The following RERE variants were observed in gnomAD, a reference collection of about 807,000 sequenced individuals.
The protein encoded by RERE is arginine-glutamic acid dipeptide repeats protein.
Under a neutral mutation model 146.1 loss-of-function variants are expected in RERE, and 40 were observed. The ratio of observed to expected loss-of-function variants is 0.27; its 90% CI spans 0.21 to 0.36. The LOEUF is 0.36. Ranked by LOEUF, RERE falls within the 10% of genes least tolerant of loss-of-function variation. RERE has a pLI of 1.00. For synonymous variants in RERE, 1,003 were observed against 866.0 expected (o/e 1.16, Z -2.78); for missense variants, 1,933 against 2,138.7 (o/e 0.90, Z 1.90).
chr1:8,803,049 GA>G (rs987782790), intron 1 of RERE, among the ~76,000 whole-genome samples: 1 of 151,982 alleles, frequency 6.6e-6, no homozygotes, highest in African/African-American at 2.4e-5. Context: ...TTGACAAAAA[GA>G]ATTTATAAGT....
intron 1 of RERE, among the ~76,000 whole-genome samples, chr1:8,766,227 G>C (rs1433338667): frequency 4.6e-5 from 7 of 152,086 alleles, no homozygotes; most frequent in African/African-American, 1.7e-4. Context: ...AACTGGTTTG[G>C]AATCTATAAA....
intron 1 of RERE, among the ~76,000 whole-genome samples, chr1:8,688,061 G>A (rs1221362918): frequency 3.3e-5 from 5 of 152,130 alleles, no homozygotes; most frequent in African/African-American, 1.2e-4. Context: ...TCTAACATAC[G>A]ATTTTTTCAA....
chr1:8,600,915 C>T (rs188773972), intron 4 of RERE, among the ~76,000 whole-genome samples: 138 of 151,266 alleles, frequency 9.1e-4, no homozygotes, highest in African/African-American at 3.3e-3. Context: ...CCACCATGCC[C>T]GGCTAATTTT....
chr1:8,563,299 C>T lies in RERE; in HGVS notation c.523-5776G>A, dbSNP rs185068076. Reference sequence around the variant, plus strand: ...ACAACATAAAAATAGTAATAATAATCGAGGGGGTATCTGGATAGTTCATAA... The same window carrying T: ...ACAACATAAAAATAGTAATAATAATTGAGGGGGTATCTGGATAGTTCATAA... On this transcript the variant is annotated intron_variant, in intron 4 of 22. Transcript: ENST00000400908. 9.7e-4 allele frequency among the ~76,000 whole-genome samples: 148 copies of T among 152,180 alleles called. 1 individual carries two copies. Among genetic ancestry groups the T allele is most frequent in the Non-Finnish European group, 1.5e-3 (99 of 68,000 alleles).
rs149568800 is a variant in RERE at position 8,656,133 on chromosome 1, G to A, written c.165C>T (p.His55=). The change falls in exon 2 of 23, where the codon CAC becomes CAT. Residue 55 remains histidine, a synonymous_variant. Transcript: ENST00000400908. ...GGAKNYAESD[H]SEDEDNDNNS... ...TGTTGTCATTGTCCTCGTCTTCACT[G>A]TGATCACTCTCAGCATAATTTTTGG... 146 of 1,613,884 alleles carry A rather than the reference G, an allele frequency of 9.0e-5. No individual in the cohort carries two copies. Among genetic ancestry groups the A allele is most frequent in the Non-Finnish European group, 1.2e-4 (137 of 1,179,878 alleles).
At chr1:8,633,135 T>TA (rs1186909101) in intron 2 of RERE, among the ~76,000 whole-genome samples, 4 of 152,192 alleles carry the variant, frequency 2.6e-5, no homozygotes, top group Non-Finnish European at 5.9e-5. Flanking sequence ...GAAATTTACT[T>TA]ATGGCCAAGC....
rs373814635 is a variant in RERE at position 8,580,991 on chromosome 1, C to T, written c.523-23468G>A. Among the ~76,000 whole-genome samples the T allele has an allele frequency of 3.0e-4, 45 of 152,208 alleles. No individual in the cohort carries two copies. In the South Asian group the frequency reaches 8.9e-3, roughly 30 times the overall value. The stretch of plus-strand genomic sequence containing the variant: ...TGCTGGGATTACAGGTGTGAGCAAC[C>T]AGATCCTGCTACTACTCTGATTTCC... On this transcript the variant is annotated intron_variant, in intron 4 of 22. Transcript: ENST00000400908.
At chr1:8,390,597 G>A (rs1642851586) in intron 12 of RERE, among the ~76,000 whole-genome samples, 1 of 152,210 alleles carries the variant, frequency 6.6e-6, no homozygotes, top group East Asian at 1.9e-4. Context: ...CAGAGCCCCA[G>A]AAACCTAAGT....
At chr1:8,412,740 G>A (rs895941457) in intron 12 of RERE, among the ~76,000 whole-genome samples, 2 of 152,242 alleles carry the variant, frequency 1.3e-5, no homozygotes, top group African/African-American at 4.8e-5. Context: ...AACAGAACAG[G>A]AAGGACCAGT....
intron 7 of RERE, among the ~76,000 whole-genome samples, chr1:8,520,070 TA>T (rs1177381594): frequency 6.6e-6 from 1 of 152,112 alleles, no homozygotes; most frequent in African/African-American, 2.4e-5. Flanking sequence ...AAAATAAAAC[TA>T]AAAACAAATA....
Position 8,356,261 on chromosome 1 carries a change from A to G in RERE, c.4340-15T>C. ...GCCTGCTGAACCTAAGGAAAGGACA[A>G]AACGCCAGATGGAGGCGGTGTGCAG... On this transcript the variant is annotated splice_polypyrimidine_tract_variant and intron_variant, in intron 20 of 22. Transcript: ENST00000400908. The surrounding 1 kb of genome is among the most constrained non-coding windows in gnomAD (Gnocchi z 5.2). 1.3e-6 allele frequency: 2 copies of G among 1,515,494 alleles called. No homozygotes were observed. The highest frequency in any genetic ancestry group is 1.3e-5 in the South Asian group (1 of 75,848). The allele number at this position is 1,515,494 out of a possible 1,614,324, so 93.9% of individuals were successfully genotyped here.
At chr1:8,357,806 A>G (rs1314548453) in intron 20 of RERE, among the ~76,000 whole-genome samples, 1 of 152,166 alleles carries the variant, frequency 6.6e-6, no homozygotes, top group African/African-American at 2.4e-5. Flanking sequence ...TGTGCTTTTC[A>G]TTCTCCCTCA....
chr1:8,786,681 T>C, intron 1 of RERE: 1 of 786,472 alleles, frequency 1.3e-6, no homozygotes, highest in Non-Finnish European at 2.3e-6. Context: ...CCAATTTGGG[T>C]TCTGCAGGTA....
intron 4 of RERE, among the ~76,000 whole-genome samples, chr1:8,600,439 C>A (rs1292921175): frequency 6.6e-6 from 1 of 152,214 alleles, no homozygotes; most frequent in East Asian, 1.9e-4. Context: ...GTTAAGAAAT[C>A]TGCTCAGTAT....
intron 8 of RERE, among the ~76,000 whole-genome samples, chr1:8,505,801 G>C (rs1645242077): frequency 6.6e-6 from 1 of 152,186 alleles, no homozygotes; most frequent in Non-Finnish European, 1.5e-5. Flanking sequence ...AAAGTGCTGG[G>C]ATTACAGGCG....
intron 12 of RERE, among the ~76,000 whole-genome samples, chr1:8,379,675 C>T (rs541049648): frequency 7.2e-5 from 11 of 152,316 alleles, no homozygotes; most frequent in African/African-American, 2.6e-4. Flanking sequence ...CCACCCCATG[C>T]AGGCTGCTAT....
chr1:8,389,557 AAAAAGGTC>A lies in RERE; in HGVS notation c.1285-23591_1285-23584del, dbSNP rs374097904. Among the ~76,000 whole-genome samples, 1,475 of 152,272 alleles carry A rather than the reference AAAAAGGTC, an allele frequency of 9.7e-3. 11 individuals are homozygous for A. Among genetic ancestry groups the A allele is most frequent in the Middle Eastern group, 0.017 (5 of 294 alleles). The stretch of plus-strand genomic sequence containing the variant: ...TGTGCCTCTTGTTTACAACAACACA[AAAAAGGTC>A]TTAGGCAAGACCCCCCTACCGCCAC... On this transcript the variant is annotated intron_variant, in intron 12 of 22. Transcript: ENST00000400908.
At chr1:8,568,530 T>C (rs911572336) in intron 4 of RERE, among the ~76,000 whole-genome samples, 5 of 152,170 alleles carry the variant, frequency 3.3e-5, no homozygotes, top group African/African-American at 1.2e-4. Context: ...CATTCATGGG[T>C]TAACGACTTA....
intron 7 of RERE, chr1:8,525,793 C>G (rs760574695): frequency 1.3e-6 from 2 of 1,598,280 alleles, no homozygotes; most frequent in Admixed American, 3.5e-5. Context: ...ATGACTAACA[C>G]GGGCTCTGGT....
Sources: gnomAD v4.1 joint callset for allele counts (sites outside exome capture counted in the v4.1 genomes callset) on GRCh38, gnomAD v4.1.1 for gene constraint, Gnocchi (gnomAD v3.1) non-coding constraint, MANE v1.5 for transcripts, NCBI Gene and HGNC (gene_info 2026-07-23, HGNC 2026-07-21) for gene names.